The following URI1 variants were observed in gnomAD, a reference collection of about 807,000 sequenced individuals.
URI1 encodes unconventional prefoldin RPB5 interactor 1.
Under a neutral mutation model 60.2 loss-of-function variants are expected in URI1, and 39 were observed. The ratio of observed to expected loss-of-function variants is 0.65; its 90% confidence interval spans 0.50 to 0.85. The LOEUF (loss-of-function observed/expected upper bound fraction) is 0.85. URI1 is among the 40% of genes least tolerant of loss of function. The probability of loss-of-function intolerance (pLI) is 0.00; values close to 1 mark genes in which losing one functional copy is unlikely to be tolerated. For synonymous variants in URI1, 251 were observed against 236.8 expected (o/e 1.06, Z -0.55); for missense variants, 691 against 665.9 (o/e 1.04, Z -0.42).
chr19:29,961,687 TTTTG>T (rs1349921818), intron 1 of URI1, among the ~76,000 whole-genome samples: 8 of 150,002 alleles, frequency 5.3e-5, no homozygotes, highest in Non-Finnish European at 1.2e-4. Context: ...TTTTTTTTTT[TTTTG>T]TTGTTTGTTT....
At chr19:29,944,932 T>C (rs981052450) in intron 1 of URI1, among the ~76,000 whole-genome samples, 3 of 152,208 alleles carry the variant, frequency 2.0e-5, no homozygotes, top group African/African-American at 7.2e-5. Flanking sequence ...TTATTTAGGC[T>C]TTAAAGCTGG....
At chr19:29,975,120 A>G (rs902292639) in intron 2 of URI1, among the ~76,000 whole-genome samples, 7 of 151,932 alleles carry the variant, frequency 4.6e-5, no homozygotes, top group Non-Finnish European at 8.8e-5. Flanking sequence ...GCTGGGTTGA[A>G]TGGTTGTTCA....
intron 1 of URI1, among the ~76,000 whole-genome samples, chr19:29,933,863 C>T (rs535447926): frequency 5.0e-4 from 75 of 150,850 alleles, no homozygotes; most frequent in Admixed American, 8.6e-4. Context: ...TTGATTTCCT[C>T]TATCATTTTT....
At chr19:29,941,803 G>A (rs2055027239), upstream of URI1, among the ~76,000 whole-genome samples, 1 of 152,074 alleles carries the variant, frequency 6.6e-6, no homozygotes, top group East Asian at 1.9e-4. Context: ...CACTAAAAAG[G>A]CACAGAAAGA....
Position 29,972,824 on chromosome 19 carries a change from A to G in URI1, c.152+1597A>G, listed in dbSNP as rs74780564. ...TTCATGGCAGGTTCATGTGACCCTC[A>G]ATTTCACTTTTCAGTTTTGTAAAAC... On this transcript the variant is annotated intron_variant, in intron 2 of 10. Transcript: ENST00000392271. 3.4e-3 allele frequency among the ~76,000 whole-genome samples: 515 copies of G among 152,244 alleles called. 1 individual carries two copies. The highest frequency in any genetic ancestry group is 0.011 in the African/African-American group (474 of 41,560).
At chr19:29,987,843 A>C (rs2055691275) in intron 4 of URI1, among the ~76,000 whole-genome samples, 1 of 152,178 alleles carries the variant, frequency 6.6e-6, no homozygotes, top group African/African-American at 2.4e-5. Flanking sequence ...TATTTATCTA[A>C]AATAATTTTC....
At chr19:29,953,562 A>C (rs74554200) in intron 1 of URI1, among the ~76,000 whole-genome samples, 1 of 152,224 alleles carries the variant, frequency 6.6e-6, no homozygotes, top group Non-Finnish European at 1.5e-5. Context: ...GTTATCATTT[A>C]TACTGTCTTG....
At chr19:29,964,324 T>C (rs935137016) in intron 1 of URI1, among the ~76,000 whole-genome samples, 3 of 152,208 alleles carry the variant, frequency 2.0e-5, no homozygotes, top group Non-Finnish European at 4.4e-5. Flanking sequence ...CAAGCTTTTT[T>C]TGTCCTACTT....
chr19:29,928,317 C>G, intron 1 of URI1, among the ~76,000 whole-genome samples: 1 of 152,086 alleles, frequency 6.6e-6, no homozygotes. Flanking sequence ...AGGTCACGCC[C>G]AAGCATTATT....
At chr19:29,967,584 G>A (rs1568421822) in intron 1 of URI1, among the ~76,000 whole-genome samples, 1 of 152,202 alleles carries the variant, frequency 6.6e-6, no homozygotes, top group Non-Finnish European at 1.5e-5. Context: ...GACATGATTG[G>A]CAAGGTCTTA....
chr19:29,948,734 C>G (rs146374325), intron 1 of URI1, among the ~76,000 whole-genome samples: 2,067 of 152,294 alleles, frequency 0.014, 47 homozygotes, highest in African/African-American at 0.047. Flanking sequence ...TCTCCTATGT[C>G]TACTTCTTTC....
chr19:29,943,402 AT>A (rs1341531383), intron 1 of URI1, among the ~76,000 whole-genome samples: 4 of 152,098 alleles, frequency 2.6e-5, no homozygotes, highest in African/African-American at 9.7e-5. Flanking sequence ...GTTAAATCTG[AT>A]TTTTCTGTGG....
chr19:29,995,648 GT>G (rs760003193), intron 4 of URI1, among the ~76,000 whole-genome samples: 18 of 149,104 alleles, frequency 1.2e-4, no homozygotes, highest in Admixed American at 1.1e-3. Context: ...TCCAGTTAGT[GT>G]TTTTTTGTTT....
chr19:29,959,524 T>G (rs1053889967), intron 1 of URI1, among the ~76,000 whole-genome samples: 1 of 152,332 alleles, frequency 6.6e-6, no homozygotes, highest in Admixed American at 6.5e-5. Context: ...GATTTTAAGA[T>G]ACGACCTCAA....
upstream of URI1, among the ~76,000 whole-genome samples, chr19:29,937,390 T>C (rs545186627): frequency 1.3e-5 from 2 of 152,228 alleles, no homozygotes; most frequent in Non-Finnish European, 2.9e-5. Context: ...AATTCTTTTT[T>C]TCCCCCTGTG....
chr19:30,011,645 G>A (rs1180241388), intron 9 of URI1, among the ~76,000 whole-genome samples: 3 of 149,010 alleles, frequency 2.0e-5, no homozygotes, highest in Admixed American at 6.7e-5. Flanking sequence ...CTTTTTTTTG[G>A]AATTGTTTGT....
At chr19:29,985,341 T>C in intron 3 of URI1, 40 bp downstream of exon 3, 1 of 1,524,302 alleles carries the variant, frequency 6.6e-7, no homozygotes, top group Non-Finnish European at 9.1e-7. Context: ...TAGTTGTTTC[T>C]TGTAAACATA....
chr19:29,947,375 C>A (rs897862207), intron 1 of URI1, among the ~76,000 whole-genome samples: 4 of 152,274 alleles, frequency 2.6e-5, no homozygotes, highest in African/African-American at 9.6e-5. Flanking sequence ...TTCAGATGAA[C>A]AGTTTGTTTC....
chr19:29,941,329 G>A (rs1055658814), upstream of URI1, among the ~76,000 whole-genome samples: 1 of 152,154 alleles, frequency 6.6e-6, no homozygotes, highest in African/African-American at 2.4e-5. Flanking sequence ...TAATTGGAAC[G>A]GCCAGGTGTG....
Sources: gnomAD v4.1 joint callset for allele counts (sites outside exome capture counted in the v4.1 genomes callset) on GRCh38, gnomAD v4.1.1 for gene constraint, MANE v1.5 for transcripts, NCBI Gene and HGNC (gene_info 2026-07-23, HGNC 2026-07-21) for gene names.